The following LEF1 variants were observed in gnomAD, a reference collection of about 807,000 sequenced individuals.
LEF1 encodes the protein lymphoid enhancer binding factor 1, also known as lymphoid enhancer-binding factor 1.
In LEF1, 14 loss-of-function variants were observed where a neutral mutation model predicts 51.2. The ratio of observed to expected loss-of-function variants is 0.27; its 90% CI spans 0.18 to 0.43. The LOEUF is 0.43. Ranked by LOEUF, LEF1 falls within the 20% of genes least tolerant of loss-of-function variation. The pLI, the probability that LEF1 is intolerant of heterozygous loss-of-function variation, is 1.00. For synonymous variants in LEF1, 185 were observed against 183.2 expected (o/e 1.01, Z -0.08); for missense variants, 386 against 512.0 (o/e 0.75, Z 2.37).
chr4:108,073,449 A>T (rs1158639650), intron 8 of LEF1, among the ~76,000 whole-genome samples: 1 of 152,216 alleles, frequency 6.6e-6, no homozygotes, highest in African/African-American at 2.4e-5. Context: ...ATGATTGGCA[A>T]GAGGCAAAGT....
chr4:108,052,565 C>T (rs1158166298), intron 11 of LEF1, among the ~76,000 whole-genome samples: 3 of 152,224 alleles, frequency 2.0e-5, no homozygotes, highest in African/African-American at 7.2e-5. Flanking sequence ...AGGGTGTGAA[C>T]TCTTCTGCTG....
intron 3 of LEF1, among the ~76,000 whole-genome samples, chr4:108,096,998 T>C (rs1199671409): frequency 6.6e-6 from 1 of 152,200 alleles, no homozygotes; most frequent in African/African-American, 2.4e-5. Context: ...GGTGGAAATG[T>C]AAATTAATAT....
intron 3 of LEF1, among the ~76,000 whole-genome samples, chr4:108,098,955 G>A (rs905776933): frequency 1.1e-4 from 17 of 152,280 alleles, no homozygotes; most frequent in Admixed American, 3.3e-4. Context: ...ATTCTATAGC[G>A]TTGTAGAGTT....
At chr4:108,053,203 G>A (rs1259907643) in intron 11 of LEF1, among the ~76,000 whole-genome samples, 1 of 152,138 alleles carries the variant, frequency 6.6e-6, no homozygotes, top group Non-Finnish European at 1.5e-5. Flanking sequence ...AGATGATAAA[G>A]AGAAACAAAC....
chr4:108,066,048 G>A (rs1056414959), intron 9 of LEF1, among the ~76,000 whole-genome samples: 5 of 152,110 alleles, frequency 3.3e-5, no homozygotes, highest in African/African-American at 4.8e-5. Context: ...GATTATAGGC[G>A]CATGCTACCA....
chr4:108,058,682 T>A (rs1054144718), intron 11 of LEF1, among the ~76,000 whole-genome samples: 1 of 152,230 alleles, frequency 6.6e-6, no homozygotes, highest in African/African-American at 2.4e-5. Flanking sequence ...AGGCACAGCA[T>A]GCCACTTCTT....
At chr4:108,115,173 A>G (rs1024815469) in intron 3 of LEF1, among the ~76,000 whole-genome samples, 8 of 152,246 alleles carry the variant, frequency 5.3e-5, no homozygotes, top group African/African-American at 1.9e-4. Context: ...TCTACTGACA[A>G]TGCAAGTATC....
At chr4:108,138,506 TACAC>T (rs79489271) in intron 3 of LEF1, among the ~76,000 whole-genome samples, 14 of 150,374 alleles carry the variant, frequency 9.3e-5, no homozygotes, top group African/African-American at 2.7e-4. Flanking sequence ...TGTGTGTGTA[TACAC>T]ACACACACAC....
At chr4:108,091,560 G>A (rs967336836) in intron 3 of LEF1, among the ~76,000 whole-genome samples, 6 of 150,834 alleles carry the variant, frequency 4.0e-5, no homozygotes, top group African/African-American at 1.5e-4. Context: ...GGCAAAACTT[G>A]CATAGCTCAT....
At chr4:108,133,026 T>G (rs753793181) in intron 3 of LEF1, among the ~76,000 whole-genome samples, 36 of 152,030 alleles carry the variant, frequency 2.4e-4, no homozygotes, top group East Asian at 3.9e-4. Flanking sequence ...CAGGCTGGAG[T>G]GCAGTGGTGC....
intron 3 of LEF1, among the ~76,000 whole-genome samples, chr4:108,146,865 G>A (rs1206405020): frequency 6.6e-6 from 1 of 152,194 alleles, no homozygotes; most frequent in Non-Finnish European, 1.5e-5. Flanking sequence ...CTTTGAGTGA[G>A]CTCTAAAGTC....
chr4:108,078,486 A>G (rs1476705690), intron 7 of LEF1, 104 bp from the exon 8 acceptor site: 1 of 1,457,374 alleles, frequency 6.9e-7, no homozygotes, highest in Non-Finnish European at 9.6e-7. Context: ...TACACTCAGG[A>G]TGGCGACAAC....
At chr4:108,099,616 AT>A (rs1740674497) in intron 3 of LEF1, among the ~76,000 whole-genome samples, 6 of 123,212 alleles carry the variant, frequency 4.9e-5, no homozygotes, top group African/African-American at 1.9e-4. Context: ...ATATATATAT[AT>A]AAATAATACT....
intron 3 of LEF1, among the ~76,000 whole-genome samples, chr4:108,100,365 GAA>G (rs1367561667): frequency 6.6e-6 from 1 of 151,994 alleles, no homozygotes; most frequent in African/African-American, 2.4e-5. Flanking sequence ...TTATAAAAAG[GAA>G]ATATTCTATA....
chr4:108,059,779 T>C (rs573018192), intron 11 of LEF1, among the ~76,000 whole-genome samples: 2 of 152,298 alleles, frequency 1.3e-5, no homozygotes, highest in African/African-American at 4.8e-5. Flanking sequence ...CTCAGCTCAC[T>C]GCAGCCTTGA....
intron 11 of LEF1, among the ~76,000 whole-genome samples, chr4:108,062,190 G>A (rs1359098550): frequency 6.6e-6 from 1 of 152,124 alleles, no homozygotes. Flanking sequence ...GATCTATTTG[G>A]TACCAAAATC....
chr4:108,065,558 A>AT (rs1303337423), intron 9 of LEF1, among the ~76,000 whole-genome samples: 1 of 152,156 alleles, frequency 6.6e-6, no homozygotes, highest in Admixed American at 6.5e-5. Context: ...GGTCACTGAT[A>AT]TCTGCTCTTT....
intron 10 of LEF1, 41 bp from the exon 11 acceptor site, chr4:108,063,704 GT>G (rs1423724213): frequency 4.3e-6 from 6 of 1,400,916 alleles, no homozygotes; most frequent in Non-Finnish European, 5.9e-6. Flanking sequence ...TATTGAAGAG[GT>G]TTTTGTACAT....
At chr4:108,078,618 C>G (rs1003226280) in intron 7 of LEF1, among the ~76,000 whole-genome samples, 2 of 152,048 alleles carry the variant, frequency 1.3e-5, no homozygotes, top group African/African-American at 4.8e-5. Flanking sequence ...AGAATAAAAC[C>G]CTTTGGTTTG....
Sources: allele counts gnomAD v4.1 joint callset (sites outside exome capture counted in the v4.1 genomes callset), GRCh38; gene constraint gnomAD v4.1.1; transcripts MANE v1.5; gene names NCBI Gene and HGNC (gene_info 2026-07-23, HGNC 2026-07-21).